Variants in CFAP161 observed in about 807,000 individuals in gnomAD.
The protein encoded by CFAP161 is cilia and flagella associated protein 161.
CFAP161 carries 25 observed loss-of-function variants against 29.0 expected under a neutral mutation model. That is an observed-to-expected ratio of 0.86 (90% CI 0.63 to 1.20). The LOEUF is 1.20. Ranked by LOEUF, CFAP161 falls within the 50% of genes most tolerant of loss-of-function variation. CFAP161 has a pLI of 0.00. For missense variants in CFAP161, 367 were observed against 371.9 expected (o/e 0.99, Z 0.11); for synonymous variants, 116 against 137.4 (o/e 0.84, Z 1.09).
At chr15:81,115,209 A>T (rs958032684) in intron 1 of CFAP161, among the ~76,000 whole-genome samples, 11 of 152,096 alleles carry the variant, frequency 7.2e-5, no homozygotes, top group African/African-American at 2.7e-4. Flanking sequence ...TTGTCAGGGA[A>T]TTTTTTCTTT....
intron 3 of CFAP161, 72 bp from the exon 4 acceptor site, chr15:81,137,979 A>T: frequency 8.4e-7 from 1 of 1,186,414 alleles, no homozygotes; most frequent in Non-Finnish European, 1.2e-6. Flanking sequence ...TTGCATGCAT[A>T]AAAAATAGAG....
upstream of CFAP161, among the ~76,000 whole-genome samples, chr15:81,133,200 TATATATATATATATATATATA>T (rs1469974014): frequency 5.5e-4 from 42 of 76,480 alleles, no homozygotes; most frequent in African/African-American, 8.7e-4. Flanking sequence ...TATATATATA[TATATATATATATATATATATA>T]TATGTATTTT....
intron 1 of CFAP161, among the ~76,000 whole-genome samples, chr15:81,101,337 G>A (rs970286341): frequency 2.0e-5 from 3 of 151,568 alleles, no homozygotes; most frequent in Non-Finnish European, 2.9e-5. Flanking sequence ...GACCAGCCTG[G>A]CCAACATGGT....
At chr15:81,137,838 AGCTATGGT>A (rs1316828956) in intron 3 of CFAP161, among the ~76,000 whole-genome samples, 2 of 152,220 alleles carry the variant, frequency 1.3e-5, no homozygotes, top group African/African-American at 4.8e-5. Flanking sequence ...TTTGTGTGCT[AGCTATGGT>A]GCAGGGCAGG....
intron 4 of CFAP161, among the ~76,000 whole-genome samples, chr15:81,140,306 A>G (rs1029545269): frequency 1.3e-5 from 2 of 152,168 alleles, no homozygotes; most frequent in African/African-American, 4.8e-5. Context: ...TAGCTTCTAG[A>G]TGTTTGCAAT....
intron 1 of CFAP161, chr15:81,099,525 A>AATTGAAG (rs1177735611): frequency 6.6e-6 from 1 of 152,254 alleles, no homozygotes; most frequent in Non-Finnish European, 1.5e-5. Context: ...AGCGCAGGTC[A>AATTGAAG]GTTCTGCAAT....
At position 81,118,589 on chromosome 15, in the gene CFAP161, T is replaced by A. The variant is rs114056903; in HGVS notation, c.-141-9001T>A. ...GCGCTAGTCCGCGGGGGGCTCGCGG[T>A]GGCGGGCAGTCGCGCTAAACCCGGG... On this transcript the variant is annotated intron_variant, in intron 1 of 4. Coordinates refer to the CFAP161 transcript ENST00000560091. Among the ~76,000 whole-genome samples, 1,018 of 152,262 alleles carry A rather than the reference T, an allele frequency of 6.7e-3. 17 individuals are homozygous for A. The highest frequency in any genetic ancestry group is 0.024 in the African/African-American group (977 of 41,568).
At position 81,136,580 on chromosome 15, in the gene CFAP161, C is replaced by T. The variant is rs1894813075; in HGVS notation, c.224C>T (p.Pro75Leu). 8 of 1,614,156 alleles carry T rather than the reference C, an allele frequency of 5.0e-6. No individual in the cohort carries two copies. Among genetic ancestry groups the T allele is most frequent in the Admixed American group, 1.7e-5 (1 of 60,018 alleles). The change falls in exon 3 of 7, where the codon CCT becomes CTT. Residue 75 changes from proline (P) to leucine (L), a missense_variant. Pro to Leu is a moderately conservative substitution (Grantham distance 98). Coordinates refer to ENST00000286732, the MANE Select transcript of CFAP161 (RefSeq NM_173528.4). ...GGTGACAAAGTGATGCTTGTGAATC[C>T]TGATGATCCTGACACAGAAGCTGAT... is the stretch of plus-strand genomic sequence containing the variant. ...HYGDKVMLVN[P>L]DDPDTEADVF...
intron 1 of CFAP161, among the ~76,000 whole-genome samples, chr15:81,115,510 G>T (rs1337432347): frequency 6.6e-6 from 1 of 152,110 alleles, no homozygotes; most frequent in Non-Finnish European, 1.5e-5. Flanking sequence ...CCATTACTAA[G>T]CTCAATTTTG....
chr15:81,143,351 G>A (rs1469583848), intron 4 of CFAP161, among the ~76,000 whole-genome samples: 2 of 152,150 alleles, frequency 1.3e-5, no homozygotes, highest in African/African-American at 4.8e-5. Flanking sequence ...CATTGGTCCA[G>A]TTCCTATATC....
At chr15:81,114,456 T>TA (rs777088303) in intron 1 of CFAP161, among the ~76,000 whole-genome samples, 18 of 152,148 alleles carry the variant, frequency 1.2e-4, no homozygotes, top group Non-Finnish European at 2.4e-4. Context: ...GGGGGTTGAT[T>TA]AGGGTGGCTA....
intron 5 of CFAP161, 85 bp downstream of exon 5, chr15:81,143,905 C>A: frequency 1.4e-6 from 2 of 1,397,142 alleles, no homozygotes; most frequent in Non-Finnish European, 1.9e-6. Context: ...AGACTTATAG[C>A]TCAAATGCCT....
At chr15:81,111,364 T>C (rs1894438042) in intron 1 of CFAP161, among the ~76,000 whole-genome samples, 1 of 152,214 alleles carries the variant, frequency 6.6e-6, no homozygotes, top group Non-Finnish European at 1.5e-5. Context: ...GACCTGACAA[T>C]ATCACTTTTG....
intron 1 of CFAP161, 70 bp downstream of exon 1, chr15:81,134,468 C>G: frequency 6.7e-7 from 1 of 1,488,292 alleles, no homozygotes; most frequent in Non-Finnish European, 9.2e-7. Context: ...AGTTCAGTCT[C>G]CTACTTTGAG....
intron 4 of CFAP161, among the ~76,000 whole-genome samples, chr15:81,142,770 C>T (rs920832098): frequency 2.0e-4 from 31 of 152,252 alleles, no homozygotes; most frequent in East Asian, 3.9e-4. Flanking sequence ...ACATTCAGGG[C>T]GGGGCTGAAC....
chr15:81,147,629 A>G (rs1004911782), intron 5 of CFAP161, among the ~76,000 whole-genome samples: 2 of 152,190 alleles, frequency 1.3e-5, no homozygotes, highest in African/African-American at 4.8e-5. Context: ...GTGCATCTAA[A>G]CACAGAAAAG....
upstream of CFAP161, among the ~76,000 whole-genome samples, chr15:81,132,623 G>T (rs184295116): frequency 2.1e-3 from 315 of 152,238 alleles, 1 homozygote; most frequent in African/African-American, 7.4e-3. Context: ...TAATATACTT[G>T]TCAAAAATAG....
chr15:81,133,236 T>TTA (rs1174148904), upstream of CFAP161, among the ~76,000 whole-genome samples: 1 of 132,636 alleles, frequency 7.5e-6, no homozygotes, highest in Non-Finnish European at 1.6e-5. Flanking sequence ...TATTTTTTTT[T>TTA]AAATTGGAGA....
chr15:81,130,698 TCAAAAACAAAAA>T (rs758005225), upstream of CFAP161, among the ~76,000 whole-genome samples: 2 of 152,150 alleles, frequency 1.3e-5, no homozygotes, highest in African/African-American at 4.8e-5. Context: ...AGACTCCATC[TCAAAAACAAAAA>T]CAAAAACAAA....
Sources: allele counts gnomAD v4.1 joint callset (sites outside exome capture counted in the v4.1 genomes callset), GRCh38; gene constraint gnomAD v4.1.1; transcripts MANE v1.5; gene names NCBI Gene and HGNC (gene_info 2026-07-23, HGNC 2026-07-21).